The following IKZF2 variants were observed in gnomAD, a reference collection of about 807,000 sequenced individuals.
The protein encoded by IKZF2 is IKAROS family zinc finger 2.
IKZF2 carries 15 observed loss-of-function variants against 49.2 expected under a neutral mutation model. The ratio of observed to expected loss-of-function variants is 0.30; its 90% CI spans 0.20 to 0.47. IKZF2 has a LOEUF of 0.47. Ranked by LOEUF, IKZF2 falls within the 20% of genes least tolerant of loss-of-function variation. IKZF2 has a pLI of 1.00. For missense variants in IKZF2, 567 were observed against 664.6 expected, an observed-to-expected ratio of 0.85 and a Z score of 1.61; for synonymous variants, 227 against 221.4, an observed-to-expected ratio of 1.03 and a Z score of -0.23.
At chr2:213,030,236 T>C (rs551496019) in intron 6 of IKZF2, among the ~76,000 whole-genome samples, 6 of 152,276 alleles carry the variant, frequency 3.9e-5, no homozygotes, top group Admixed American at 6.5e-5. Context: ...CTGCCTGATA[T>C]GGAATTTTTT....
chr2:213,029,502 A>G (rs896106543), intron 6 of IKZF2, among the ~76,000 whole-genome samples: 1 of 151,988 alleles, frequency 6.6e-6, no homozygotes, highest in African/African-American at 2.4e-5. Context: ...TCCGGTTTTT[A>G]TTCTAGATGA....
intron 4 of IKZF2, among the ~76,000 whole-genome samples, chr2:213,138,070 A>T (rs2060739812): frequency 6.6e-6 from 1 of 152,122 alleles, no homozygotes; most frequent in African/African-American, 2.4e-5. Flanking sequence ...ACACTCATCA[A>T]AATATCTGGA....
At chr2:213,077,280 T>C (rs1237158914) in intron 4 of IKZF2, among the ~76,000 whole-genome samples, 1 of 152,184 alleles carries the variant, frequency 6.6e-6, no homozygotes, top group Non-Finnish European at 1.5e-5. Context: ...AGCACAAGTG[T>C]TATAGATATT....
intron 4 of IKZF2, among the ~76,000 whole-genome samples, chr2:213,085,225 A>G (rs144363551): frequency 6.6e-6 from 1 of 152,296 alleles, no homozygotes; most frequent in African/African-American, 2.4e-5. Flanking sequence ...TCGAAAGGTG[A>G]GCTCCTTCTT....
chr2:213,054,319 T>G (rs568950543), intron 5 of IKZF2, among the ~76,000 whole-genome samples: 2 of 152,304 alleles, frequency 1.3e-5, no homozygotes, highest in East Asian at 3.9e-4. Context: ...TTATAAGGTT[T>G]TAAGACAGTA....
At chr2:213,151,715 T>TGGCGGC (rs1341524956), upstream of IKZF2, 1 of 146,616 alleles carries the variant, frequency 6.8e-6, no homozygotes, top group African/African-American at 2.5e-5. Flanking sequence ...GAGGGCGGGC[T>TGGCGGC]GGCGGCGGCT....
chr2:213,146,724 A>C (rs891411552), intron 4 of IKZF2, among the ~76,000 whole-genome samples: 1 of 125,088 alleles, frequency 8.0e-6, no homozygotes, highest in Non-Finnish European at 1.6e-5. Flanking sequence ...CTCATAATTA[A>C]GTACATGATT....
At chr2:213,035,419 T>A (rs940491078) in intron 6 of IKZF2, among the ~76,000 whole-genome samples, 1 of 152,170 alleles carries the variant, frequency 6.6e-6, no homozygotes, top group African/African-American at 2.4e-5. Flanking sequence ...ACAGACAACA[T>A]GTGTATAAAC....
chr2:213,085,827 C>G (rs1338238863), intron 4 of IKZF2, among the ~76,000 whole-genome samples: 1 of 152,128 alleles, frequency 6.6e-6, no homozygotes, highest in South Asian at 2.1e-4. Context: ...TCTCCTTTCT[C>G]GATTATCCTT....
chr2:213,016,768 T>C (rs1296367782), intron 7 of IKZF2, among the ~76,000 whole-genome samples: 1 of 152,086 alleles, frequency 6.6e-6, no homozygotes, highest in Non-Finnish European at 1.5e-5. Context: ...GGCAAAACCA[T>C]AAGTGTATTC....
chr2:213,050,115 T>C (rs1373667306), intron 5 of IKZF2, among the ~76,000 whole-genome samples: 1 of 152,164 alleles, frequency 6.6e-6, no homozygotes, highest in African/African-American at 2.4e-5. Flanking sequence ...AGTCCTATCA[T>C]TGACTCAGAA....
At chr2:213,085,370 G>A (rs986660512) in intron 4 of IKZF2, among the ~76,000 whole-genome samples, 2 of 151,868 alleles carry the variant, frequency 1.3e-5, no homozygotes, top group African/African-American at 4.8e-5. Context: ...GACATCTTAG[G>A]GTATAAATGG....
intron 4 of IKZF2, among the ~76,000 whole-genome samples, chr2:213,078,504 G>T (rs928776866): frequency 4.6e-5 from 7 of 152,140 alleles, no homozygotes; most frequent in African/African-American, 1.7e-4. Flanking sequence ...TATGAAGTAG[G>T]TGCTATTATT....
At chr2:213,107,321 G>C (rs1258144219) in intron 4 of IKZF2, among the ~76,000 whole-genome samples, 1 of 152,204 alleles carries the variant, frequency 6.6e-6, no homozygotes, top group Non-Finnish European at 1.5e-5. Flanking sequence ...TCACATTTAT[G>C]TCAACAAAGA....
intron 4 of IKZF2, among the ~76,000 whole-genome samples, chr2:213,102,255 C>T (rs1054156555): frequency 6.6e-6 from 1 of 152,076 alleles, no homozygotes; most frequent in Non-Finnish European, 1.5e-5. Context: ...AAAACCAAGG[C>T]GTGGTGCTGT....
intron 4 of IKZF2, among the ~76,000 whole-genome samples, chr2:213,122,151 C>T (rs6729312): frequency 0.022 from 3,295 of 152,256 alleles, 125 homozygotes; most frequent in African/African-American, 0.075. Flanking sequence ...TATATGCTTA[C>T]ATTTTTAGTT....
intron 6 of IKZF2, among the ~76,000 whole-genome samples, chr2:213,045,250 G>A (rs977168046): frequency 2.0e-5 from 3 of 152,192 alleles, no homozygotes; most frequent in African/African-American, 7.2e-5. Context: ...CTAAGGCATG[G>A]CATTGATGCA....
intron 5 of IKZF2, among the ~76,000 whole-genome samples, chr2:213,053,371 T>C (rs1301582841): frequency 6.6e-6 from 1 of 152,212 alleles, no homozygotes; most frequent in Admixed American, 6.5e-5. Flanking sequence ...ATTTTTATTA[T>C]GGAATATCTT....
intron 5 of IKZF2, among the ~76,000 whole-genome samples, chr2:213,052,443 A>G (rs998250346): frequency 6.6e-6 from 1 of 152,074 alleles, no homozygotes; most frequent in Non-Finnish European, 1.5e-5. Flanking sequence ...TGAATTATGA[A>G]TAAGTCTTGA....
Sources: allele counts gnomAD v4.1 joint callset (sites outside exome capture counted in the v4.1 genomes callset), GRCh38; gene constraint gnomAD v4.1.1; transcripts MANE v1.5; gene names NCBI Gene and HGNC (gene_info 2026-07-23, HGNC 2026-07-21).